MCTP1: variants seen among roughly 807,000 people sequenced by gnomAD.
MCTP1 encodes the protein multiple C2 and transmembrane domain containing 1, also known as multiple C2 and transmembrane domain-containing protein 1.
A neutral mutation model predicts 120.6 loss-of-function variants in MCTP1; 69 were observed. The observed-to-expected ratio is 0.57, with a 90% CI of 0.47 to 0.70. The LOEUF (loss-of-function observed/expected upper bound fraction) is 0.70, where lower values mean the gene tolerates loss of function less well. Ranked by LOEUF, MCTP1 falls within the 30% of genes least tolerant of loss-of-function variation. MCTP1 has a pLI of 0.00. For missense variants in MCTP1, 1,203 were observed against 1,248.8 expected, an observed-to-expected ratio of 0.96 and a Z score of 0.55; for synonymous variants, 529 against 493.1, an observed-to-expected ratio of 1.07 and a Z score of -0.96.
At chr5:94,942,532 A>G in intron 3 of MCTP1, 105 bp from the exon 4 acceptor site, 1 of 664,190 alleles carries the variant, frequency 1.5e-6, no homozygotes, top group Non-Finnish European at 2.5e-6. Context: ...CACCAAAAGC[A>G]TACTAATATT....
intron 17 of MCTP1, among the ~76,000 whole-genome samples, chr5:94,830,211 C>A (rs534250071): frequency 9.2e-5 from 14 of 152,138 alleles, no homozygotes; most frequent in Non-Finnish European, 1.5e-4. Flanking sequence ...AAAACATCAC[C>A]TTTTAGTATT....
At chr5:94,929,711 T>C (rs1269860925) in intron 6 of MCTP1, 2 of 982,524 alleles carry the variant, frequency 2.0e-6, no homozygotes, top group African/African-American at 3.5e-5. Flanking sequence ...TGAAGGAAGG[T>C]GGACTAGCTA....
chr5:95,184,079 C>G (rs1748921148), intron 1 of MCTP1, among the ~76,000 whole-genome samples: 1 of 151,968 alleles, frequency 6.6e-6, no homozygotes, highest in Admixed American at 6.6e-5. Context: ...GTGGGTGCAG[C>G]AAACCACCAT....
At chr5:95,115,957 C>G (rs1757797959) in intron 1 of MCTP1, among the ~76,000 whole-genome samples, 1 of 151,596 alleles carries the variant, frequency 6.6e-6, no homozygotes, top group East Asian at 1.9e-4. Context: ...ACCTCACAGA[C>G]CAGAAGATAG....
At chr5:95,026,215 T>C (rs927656421) in intron 1 of MCTP1, among the ~76,000 whole-genome samples, 25 of 152,142 alleles carry the variant, frequency 1.6e-4, no homozygotes, top group African/African-American at 5.3e-4. Flanking sequence ...GATATTTTGA[T>C]ACAGACATGC....
chr5:95,148,828 T>C lies in MCTP1; in HGVS notation c.721-131344A>G, dbSNP rs115994108. Among the ~76,000 whole-genome samples, 394 of 152,240 alleles carry C rather than the reference T, an allele frequency of 2.6e-3. 2 individuals carry two copies. Among genetic ancestry groups the C allele is most frequent in the African/African-American group, 9.1e-3 (379 of 41,538 alleles). Reference sequence around the variant, plus strand: ...GGCTGGTGATCCTTTCCTTTAACTGTGATGTAAGATGAGTATAATGAGTTG... The same window carrying C: ...GGCTGGTGATCCTTTCCTTTAACTGCGATGTAAGATGAGTATAATGAGTTG... On this transcript the variant is annotated intron_variant, in intron 1 of 22. Coordinates refer to ENST00000515393, the MANE Select transcript of MCTP1 (RefSeq NM_024717.7).
At chr5:94,881,189 T>G (rs1317663531) in intron 12 of MCTP1, among the ~76,000 whole-genome samples, 3 of 152,122 alleles carry the variant, frequency 2.0e-5, no homozygotes, top group Non-Finnish European at 4.4e-5. Flanking sequence ...ATTTTACTGC[T>G]GCAGACTGCA....
At chr5:94,768,741 G>T (rs1020279826) in intron 19 of MCTP1, among the ~76,000 whole-genome samples, 1 of 152,108 alleles carries the variant, frequency 6.6e-6, no homozygotes, top group African/African-American at 2.4e-5. Flanking sequence ...AATAATGGAT[G>T]TAGTCAAAGA....
At chr5:94,980,427 A>T (rs576808148) in intron 2 of MCTP1, among the ~76,000 whole-genome samples, 1 of 152,296 alleles carries the variant, frequency 6.6e-6, no homozygotes, top group South Asian at 2.1e-4. Context: ...TATAGACGGA[A>T]TGTAGAGGCA....
At chr5:94,845,687 G>A (rs746048320) in intron 17 of MCTP1, among the ~76,000 whole-genome samples, 15 of 151,990 alleles carry the variant, frequency 9.9e-5, no homozygotes, top group Non-Finnish European at 2.9e-5. Context: ...TGAGATTACA[G>A]GTACAGGTAC....
At chr5:95,268,518 T>C (rs1305438303) in intron 1 of MCTP1, among the ~76,000 whole-genome samples, 1 of 152,212 alleles carries the variant, frequency 6.6e-6, no homozygotes. Flanking sequence ...GACACGAACC[T>C]TCTTGGAAGG....
At position 95,085,394 on chromosome 5, in the gene MCTP1, G is replaced by C. The variant is rs549673522; in HGVS notation, c.721-67910C>G. ...CTTTATACAAATATAATAGTGTATA[G>C]ATCCTTTAAATTTTTTTTTTTTTGC... On this transcript the variant is annotated intron_variant, in intron 1 of 22. Coordinates refer to ENST00000515393, the MANE Select transcript of MCTP1 (RefSeq NM_024717.7). 1.7e-4 allele frequency among the ~76,000 whole-genome samples: 19 copies of C among 108,662 alleles called. No individual in the cohort carries two copies. In the South Asian group the frequency reaches 4.7e-3, roughly 27 times the overall value. 71.3% of individuals were successfully genotyped at this position (108,662 alleles called of 152,430 possible).
intron 2 of MCTP1, among the ~76,000 whole-genome samples, chr5:94,985,149 C>G (rs1203892085): frequency 1.3e-5 from 2 of 152,216 alleles, no homozygotes; most frequent in East Asian, 3.9e-4. Context: ...TTTACAAAAG[C>G]CATCATCTTC....
intron 2 of MCTP1, among the ~76,000 whole-genome samples, chr5:95,014,549 C>T (rs142548724): frequency 1.2e-3 from 189 of 152,136 alleles, no homozygotes; most frequent in Middle Eastern, 6.8e-3. Context: ...TTCTTGAGAA[C>T]GAATCTTCTC....
chr5:95,000,736 AG>A (rs1278210316), intron 2 of MCTP1, among the ~76,000 whole-genome samples: 1 of 152,214 alleles, frequency 6.6e-6, no homozygotes, highest in Non-Finnish European at 1.5e-5. Flanking sequence ...GATTACAATG[AG>A]CAAAGATTTA....
intron 12 of MCTP1, among the ~76,000 whole-genome samples, chr5:94,874,017 C>T (rs549900917): frequency 6.6e-6 from 1 of 151,846 alleles, no homozygotes; most frequent in South Asian, 2.1e-4. Context: ...AATGTTATGC[C>T]CTGTATTATA....
chr5:94,834,550 G>A (rs1021601193), intron 17 of MCTP1, among the ~76,000 whole-genome samples: 2 of 152,124 alleles, frequency 1.3e-5, no homozygotes, highest in African/African-American at 4.8e-5. Flanking sequence ...TTTTGGTTAT[G>A]AAATTTCAAA....
chr5:95,080,243 G>A (rs537074911), intron 1 of MCTP1, among the ~76,000 whole-genome samples: 28 of 152,188 alleles, frequency 1.8e-4, no homozygotes, highest in African/African-American at 6.7e-4. Flanking sequence ...TTGTGCTGTG[G>A]CAATGGCTAA....
intron 1 of MCTP1, among the ~76,000 whole-genome samples, chr5:95,132,458 A>G (rs1206098019): frequency 6.6e-6 from 1 of 152,230 alleles, no homozygotes; most frequent in Non-Finnish European, 1.5e-5. Flanking sequence ...TGCTAAATGG[A>G]GAAAACCTGG....
Sources: gnomAD v4.1 joint callset for allele counts (sites outside exome capture counted in the v4.1 genomes callset) on GRCh38, gnomAD v4.1.1 for gene constraint, MANE v1.5 for transcripts, NCBI Gene and HGNC (gene_info 2026-07-23, HGNC 2026-07-21) for gene names.